Variants in TAFA4 observed in about 807,000 individuals in gnomAD.
The protein encoded by TAFA4 is chemokine-like protein TAFA-4.
TAFA4 carries 20 observed loss-of-function variants against 21.1 expected under a neutral mutation model. The observed-to-expected ratio is 0.95, with a 90% CI of 0.67 to 1.38. TAFA4 has a LOEUF of 1.38. Ranked by LOEUF, TAFA4 falls within the 40% of genes most tolerant of loss-of-function variation. The pLI is 0.00. For missense variants in TAFA4, 211 were observed against 180.9 expected, an observed-to-expected ratio of 1.17 and a Z score of -0.95; for synonymous variants, 71 against 67.4, an observed-to-expected ratio of 1.05 and a Z score of -0.26.
At chr3:68,847,555 A>C (rs1704836421) in intron 3 of TAFA4, among the ~76,000 whole-genome samples, 1 of 152,180 alleles carries the variant, frequency 6.6e-6, no homozygotes, top group African/African-American at 2.4e-5. Context: ...GGAGTATGGA[A>C]AAAACCTCCT....
intron 3 of TAFA4, among the ~76,000 whole-genome samples, chr3:68,848,830 C>T (rs1016622908): frequency 3.3e-5 from 5 of 152,126 alleles, no homozygotes; most frequent in African/African-American, 1.2e-4. Flanking sequence ...TGCACAGCTC[C>T]TGGTGCATGC....
At chr3:68,911,673 T>A (rs1375862033) in intron 1 of TAFA4, among the ~76,000 whole-genome samples, 1 of 152,146 alleles carries the variant, frequency 6.6e-6, no homozygotes, top group Non-Finnish European at 1.5e-5. Flanking sequence ...AAATACAAGT[T>A]CACCTGTAAC....
At chr3:68,862,954 C>T (rs1559546850) in intron 3 of TAFA4, among the ~76,000 whole-genome samples, 1 of 151,628 alleles carries the variant, frequency 6.6e-6, no homozygotes, top group Non-Finnish European at 1.5e-5. Context: ...AGTTCAAGAG[C>T]CAGGCGCAGT....
At chr3:68,737,066 A>AATGCCTTTTCTAACTACACATAAATAGAG (rs1559753558) in intron 5 of TAFA4, among the ~76,000 whole-genome samples, 1 of 151,976 alleles carries the variant, frequency 6.6e-6, no homozygotes, top group East Asian at 1.9e-4. Flanking sequence ...CATAAATAGA[A>AATGCCTTTTCTAACTACACATAAATAGAG]AGCCGTTCTA....
rs73108692 is a variant in TAFA4, at chr3:68,862,310, T to C, written c.130+18420A>G. On this transcript the variant is annotated intron_variant, in intron 3 of 5. Coordinates refer to ENST00000295569, the MANE Select transcript of TAFA4 (RefSeq NM_182522.5). ...TTGTAAGTGCATAAAACAAAATTCA[T>C]AGGACTGAAAAGGAAACTGGTTACA... is the stretch of plus-strand genomic sequence containing the variant. Among the ~76,000 whole-genome samples the C allele has an allele frequency of 2.4e-3, 361 of 152,254 alleles. 9 individuals carry two copies. The East Asian group carries it at 0.041, about 17-fold the overall frequency.
intron 4 of TAFA4, among the ~76,000 whole-genome samples, chr3:68,749,056 G>C (rs1027764831): frequency 1.3e-5 from 2 of 152,180 alleles, no homozygotes; most frequent in Non-Finnish European, 2.9e-5. Context: ...ATAGCTGTCT[G>C]TTTTAGGACC....
At chr3:68,925,150 G>A (rs1365128231) in intron 1 of TAFA4, among the ~76,000 whole-genome samples, 2 of 152,170 alleles carry the variant, frequency 1.3e-5, no homozygotes, top group East Asian at 3.8e-4. Context: ...TGGGAGGACT[G>A]AGCCCATGGT....
chr3:68,848,174 C>T (rs778944867), intron 3 of TAFA4, among the ~76,000 whole-genome samples: 1 of 152,164 alleles, frequency 6.6e-6, no homozygotes, highest in Non-Finnish European at 1.5e-5. Context: ...GACTCCAGTG[C>T]CTGCAACATT....
chr3:68,906,795 C>G (rs963077246), intron 1 of TAFA4, among the ~76,000 whole-genome samples: 2 of 151,956 alleles, frequency 1.3e-5, no homozygotes, highest in Non-Finnish European at 2.9e-5. Context: ...TTTGGGAGGC[C>G]GAGGCGGGTG....
At position 68,739,210 on chromosome 3, in the gene TAFA4, A is replaced by C. The variant is rs908263331; in HGVS notation, c.287-11T>G. On this transcript the variant is annotated splice_polypyrimidine_tract_variant and intron_variant, in intron 4 of 5. Coordinates refer to ENST00000295569, the MANE Select transcript of TAFA4 (RefSeq NM_182522.5). ...GAATCACAATGGAAGCTGGAAAACA[A>C]AGGCCAAATAATATTTGTGACACTG... 1 of 1,613,560 alleles carries C rather than the reference A, an allele frequency of 6.2e-7. No homozygotes were observed. The highest frequency in any genetic ancestry group is 1.3e-5 in the African/African-American group (1 of 74,884).
chr3:68,840,579 A>T (rs1398893720), intron 3 of TAFA4, among the ~76,000 whole-genome samples: 1 of 152,226 alleles, frequency 6.6e-6, no homozygotes, highest in African/African-American at 2.4e-5. Context: ...TAAGAAATAC[A>T]AACACGTGCC....
intron 3 of TAFA4, among the ~76,000 whole-genome samples, chr3:68,816,221 C>T (rs577098677): frequency 5.9e-5 from 9 of 152,100 alleles, no homozygotes; most frequent in East Asian, 5.8e-4. Context: ...TGTTAAGTGA[C>T]GAGTTAATGG....
chr3:68,915,908 A>G (rs75621161), intron 1 of TAFA4, among the ~76,000 whole-genome samples: 1 of 152,250 alleles, frequency 6.6e-6, no homozygotes, highest in Non-Finnish European at 1.5e-5. Flanking sequence ...TCTCCATTCA[A>G]TAAATATGGA....
At chr3:68,751,834 T>C (rs1559758985) in intron 4 of TAFA4, among the ~76,000 whole-genome samples, 1 of 152,330 alleles carries the variant, frequency 6.6e-6, no homozygotes, top group East Asian at 1.9e-4. Flanking sequence ...ATATTTACTA[T>C]GTTACCCACA....
At chr3:68,858,110 A>C (rs938737358) in intron 3 of TAFA4, among the ~76,000 whole-genome samples, 5 of 152,108 alleles carry the variant, frequency 3.3e-5, no homozygotes, top group African/African-American at 1.2e-4. Context: ...CCATCTTTCC[A>C]GGTGGAGCCA....
intron 1 of TAFA4, among the ~76,000 whole-genome samples, chr3:68,900,964 T>C (rs1255618035): frequency 1.3e-5 from 2 of 152,210 alleles, no homozygotes; most frequent in African/African-American, 2.4e-5. Context: ...GTTTGCTATG[T>C]AGTTCAGCCA....
At chr3:68,793,254 A>G (rs1160676654) in intron 3 of TAFA4, among the ~76,000 whole-genome samples, 1 of 152,202 alleles carries the variant, frequency 6.6e-6, no homozygotes, top group African/African-American at 2.4e-5. Context: ...TTTACTAAAT[A>G]GAAAAGGAGA....
At chr3:68,840,873 C>T (rs536155436) in intron 3 of TAFA4, among the ~76,000 whole-genome samples, 73 of 152,188 alleles carry the variant, frequency 4.8e-4, no homozygotes, top group Non-Finnish European at 8.4e-4. Flanking sequence ...CTTGCTTCAG[C>T]TACTATTATT....
chr3:68,878,300 G>A (rs779722928), intron 3 of TAFA4, among the ~76,000 whole-genome samples: 5 of 152,168 alleles, frequency 3.3e-5, no homozygotes, highest in Non-Finnish European at 5.9e-5. Flanking sequence ...AACTAGCTAT[G>A]ACTCCATCTT....
Sources: allele counts gnomAD v4.1 joint callset (sites outside exome capture counted in the v4.1 genomes callset), GRCh38; gene constraint gnomAD v4.1.1; transcripts MANE v1.5; gene names NCBI Gene and HGNC (gene_info 2026-07-23, HGNC 2026-07-21).